Variants in SMO observed in about 807,000 individuals in gnomAD.
SMO encodes smoothened, frizzled class receptor.
SMO carries 40 observed loss-of-function variants against 81.6 expected under a neutral mutation model. The ratio of observed to expected loss-of-function variants is 0.49; its 90% CI spans 0.38 to 0.64. The LOEUF (loss-of-function observed/expected upper bound fraction) is 0.64. Among genes scored for constraint, SMO ranks in the 30% least tolerant of loss-of-function variants. The probability of loss-of-function intolerance (pLI) is 0.00; values close to 1 mark genes in which losing one functional copy is unlikely to be tolerated. For missense variants in SMO, 916 were observed against 1,061.1 expected (o/e 0.86, Z 1.90); for synonymous variants, 434 against 432.1 (o/e 1.00, Z -0.05).
chr7:129,206,614 T>TAC lies in SMO; in HGVS notation c.1264+27_1264+28insAC. The TAC allele has an allele frequency of 1.2e-6, 2 of 1,612,138 alleles. No individual in the cohort carries two copies. The highest frequency in any genetic ancestry group is 1.7e-6 in the Non-Finnish European group (2 of 1,178,864). On this transcript the variant is annotated intron_variant, in intron 6 of 11. Coordinates refer to ENST00000249373, the MANE Select transcript of SMO (RefSeq NM_005631.5). The surrounding 1 kb of genome is among the most constrained non-coding windows in gnomAD (Gnocchi z 4.4). ...TGAGTGAAGACCAGGCCAGGACCAG[T>TAC]TGGGCAACAAAATATACTGGGCACT...
Position 129,189,144 on chromosome 7 carries a change from G to T in SMO, c.-8G>T. On this transcript the variant is annotated 5_prime_UTR_variant, in exon 1 of 12. Transcript: ENST00000249373. This position sits in a 1 kb window ranked among gnomAD's most constrained non-coding sequence, Gnocchi z 4.7. ...GCCGGGGCTTTTGCTGAGTTGGCGG[G>T]GTTGGCCATGGCCGCTGCCCGCCCA... 8.4e-7 allele frequency: 1 copy of T among 1,194,354 alleles called. No homozygotes were observed. Among genetic ancestry groups the T allele is most frequent in the Non-Finnish European group, 1.0e-6 (1 of 958,968 alleles). 74.0% of individuals were successfully genotyped at this position (1,194,354 alleles called of 1,614,324 possible).
chr7:129,205,862 G>A (rs984885621), intron 4 of SMO, 80 bp downstream of exon 4: 20 of 1,297,446 alleles, frequency 1.5e-5, no homozygotes, highest in Admixed American at 5.9e-5. Flanking sequence ...GAGCAGGTGC[G>A]TGTAAAACCG....
At chr7:129,197,664 G>T (rs1384464233) in intron 1 of SMO, among the ~76,000 whole-genome samples, 6 of 151,906 alleles carry the variant, frequency 3.9e-5, no homozygotes, top group Non-Finnish European at 8.8e-5. Context: ...CGTGTGATCC[G>T]CCCGCCTCAG....
chr7:129,196,129 AAC>A (rs1265610290), intron 1 of SMO, among the ~76,000 whole-genome samples: 1 of 151,856 alleles, frequency 6.6e-6, no homozygotes, highest in Non-Finnish European at 1.5e-5. Flanking sequence ...AGAAAAAAAA[AAC>A]AAAAAAAAAT....
intron 1 of SMO, among the ~76,000 whole-genome samples, chr7:129,195,433 C>T (rs1584654903): frequency 6.6e-6 from 1 of 152,242 alleles, no homozygotes; most frequent in African/African-American, 2.4e-5. Context: ...TCCCTGATTA[C>T]TAGTAAAGTT....
At position 129,212,659 on chromosome 7, in the gene SMO, A is replaced by C; in HGVS notation, c.*208A>C. 1 of 596,168 alleles carries C rather than the reference A, an allele frequency of 1.7e-6. No homozygotes were observed. 36.9% of individuals were successfully genotyped at this position (596,168 alleles called of 1,614,324 possible). A position where few individuals can be genotyped will look rare whatever the true frequency, so the allele number is the denominator to read the frequency against. ...TCCATGGGGAGGCCTCACCCCAGGG[A>C]CAGGGCCCTGGAGCTCAGGGTCCTT... On this transcript the variant is annotated 3_prime_UTR_variant, in exon 12 of 12. Coordinates refer to ENST00000249373, the MANE Select transcript of SMO (RefSeq NM_005631.5). The surrounding 1 kb of genome is among the most constrained non-coding windows in gnomAD (Gnocchi z 5.0).
rs764588519 is a variant in SMO, at chr7:129,206,142, C to T, written c.921-8C>T. 6.3e-7 allele frequency: 1 copy of T among 1,585,868 alleles called. No individual in the cohort carries two copies. The highest frequency in any genetic ancestry group is 8.6e-7 in the Non-Finnish European group (1 of 1,164,064). On this transcript the variant is annotated splice_polypyrimidine_tract_variant and splice_region_variant and intron_variant, in intron 4 of 11. Coordinates refer to ENST00000249373, the MANE Select transcript of SMO (RefSeq NM_005631.5). The surrounding 1 kb of genome is among the most constrained non-coding windows in gnomAD (Gnocchi z 4.4). ...CCGCCTCAAGTGACACCTCACCTCTCTGCACAGCTCCAATGAGACTCTGTC... is the reference window on the plus strand; with the variant it reads ...CCGCCTCAAGTGACACCTCACCTCTTTGCACAGCTCCAATGAGACTCTGTC...
At chr7:129,199,403 A>G (rs1251456617) in intron 1 of SMO, among the ~76,000 whole-genome samples, 2 of 151,970 alleles carry the variant, frequency 1.3e-5, no homozygotes, top group Non-Finnish European at 2.9e-5. Flanking sequence ...GCTTGTGTAG[A>G]ACTCCTGACC....
chr7:129,200,737 G>GTTGT (rs144233841), intron 1 of SMO, among the ~76,000 whole-genome samples: 2 of 139,232 alleles, frequency 1.4e-5, no homozygotes, highest in African/African-American at 5.3e-5. Flanking sequence ...TTTTTTTGTT[G>GTTGT]TTGTTTGTTT....
In SMO at chr7:129,211,073, G is replaced by C. The variant is rs1322403226; in HGVS notation, c.1761G>C (p.Leu587=). 9.3e-6 allele frequency: 15 copies of C among 1,613,604 alleles called. No homozygotes were observed. The highest frequency in any genetic ancestry group is 3.3e-5 in the Admixed American group (2 of 59,850). The part of the protein sequence containing the change: ...HELLQNPGQE[L]SFSMHTVSHD... ...TCCTGCAGAACCCAGGCCAGGAGCTGTCCTTCAGCATGCACACTGTGTCCC... is the reference window on the plus strand; with the variant it reads ...TCCTGCAGAACCCAGGCCAGGAGCTCTCCTTCAGCATGCACACTGTGTCCC... Residue 587 remains leucine, a synonymous_variant, in exon 10 of 12, where the codon CTG becomes CTC. Coordinates refer to ENST00000249373, the MANE Select transcript of SMO (RefSeq NM_005631.5). This position sits in a 1 kb window ranked among gnomAD's most constrained non-coding sequence, Gnocchi z 4.6.
Position 129,206,023 on chromosome 7 carries a change from G to T in SMO, c.921-127G>T. ...CCTCCTCAGATCTGACCTGGGTCCT[G>T]TCTCCAAGCCCTGACTTCTGGGAAC... is the stretch of plus-strand genomic sequence containing the variant. On this transcript the variant is annotated intron_variant, in intron 4 of 11. Coordinates refer to ENST00000249373, the MANE Select transcript of SMO (RefSeq NM_005631.5). The surrounding 1 kb of genome is among the most constrained non-coding windows in gnomAD (Gnocchi z 4.4). 1 of 874,818 alleles carries T rather than the reference G, an allele frequency of 1.1e-6. No homozygotes were observed. Among genetic ancestry groups the T allele is most frequent in the South Asian group, 1.7e-5 (1 of 60,410 alleles). 54.2% of individuals were successfully genotyped at this position (874,818 alleles called of 1,614,324 possible).
intron 1 of SMO, among the ~76,000 whole-genome samples, chr7:129,194,616 G>T (rs1793541470): frequency 6.6e-6 from 1 of 151,758 alleles, no homozygotes; most frequent in African/African-American, 2.4e-5. Context: ...TCCTAGTTTT[G>T]GAATCCATAA....
At chr7:129,203,029 A>G (rs189849994) in intron 1 of SMO, among the ~76,000 whole-genome samples, 1 of 152,318 alleles carries the variant, frequency 6.6e-6, no homozygotes, top group African/African-American at 2.4e-5. Flanking sequence ...CCAACATCCC[A>G]TGTAACCAGT....
intron 1 of SMO, among the ~76,000 whole-genome samples, chr7:129,201,271 T>C (rs948642518): frequency 6.6e-6 from 1 of 152,136 alleles, no homozygotes; most frequent in East Asian, 1.9e-4. Context: ...GGTCTCGGAC[T>C]CCTGACCTTG....
At chr7:129,203,822 C>T (rs1446564913) in intron 2 of SMO, among the ~76,000 whole-genome samples, 1 of 152,190 alleles carries the variant, frequency 6.6e-6, no homozygotes, top group Non-Finnish European at 1.5e-5. Context: ...ATGTTTTGAG[C>T]ACTGGCTGTT....
intron 1 of SMO, among the ~76,000 whole-genome samples, chr7:129,196,873 C>G (rs759429311): frequency 6.6e-6 from 1 of 151,838 alleles, no homozygotes; most frequent in Non-Finnish European, 1.5e-5. Flanking sequence ...AAAAGTTAGT[C>G]GGGCATGGTG....
rs140634839 is a variant in SMO, at chr7:129,202,348, T to C, written c.332-1036T>C. On this transcript the variant is annotated intron_variant, in intron 1 of 11. Coordinates refer to ENST00000249373, the MANE Select transcript of SMO (RefSeq NM_005631.5). ...AGTTGCCATGCACATGCCCCTTACC[T>C]CTCTACTATGTTGCCTTCCCCCGAA... Among the ~76,000 whole-genome samples, 1,217 of 152,208 alleles carry C rather than the reference T, an allele frequency of 8.0e-3. 12 individuals are homozygous for C. The highest frequency in any genetic ancestry group is 0.011 in the Non-Finnish European group (753 of 67,988).
At chr7:129,203,675 C>A in intron 2 of SMO, 86 bp downstream of exon 2, 1 of 1,099,724 alleles carries the variant, frequency 9.1e-7, no homozygotes, top group Non-Finnish European at 1.3e-6. Flanking sequence ...GCAGGGGAGC[C>A]CAGAGCTTTG....
In SMO at chr7:129,211,844, G is replaced by C. The variant is rs2150655970; in HGVS notation, c.1936+74G>C. 1 of 1,578,108 alleles carries C rather than the reference G, an allele frequency of 6.3e-7. No individual in the cohort carries two copies. The highest frequency in any genetic ancestry group is 1.3e-5 in the African/African-American group (1 of 74,312). On this transcript the variant is annotated intron_variant, in intron 11 of 11. Coordinates refer to ENST00000249373, the MANE Select transcript of SMO (RefSeq NM_005631.5). This position sits in a 1 kb window ranked among gnomAD's most constrained non-coding sequence, Gnocchi z 4.6. Reference sequence around the variant, plus strand: ...GGGGGCTTCTGGGACTGGAGTACAGGGGCTGTCGGAGGAGGAGGAAGAGGA... The same window carrying C: ...GGGGGCTTCTGGGACTGGAGTACAGCGGCTGTCGGAGGAGGAGGAAGAGGA...
Sources: allele counts gnomAD v4.1 joint callset (sites outside exome capture counted in the v4.1 genomes callset), GRCh38; gene constraint gnomAD v4.1.1; non-coding constraint Gnocchi (gnomAD v3.1); transcripts MANE v1.5; gene names NCBI Gene and HGNC (gene_info 2026-07-23, HGNC 2026-07-21).